The following TMEM184B variants were observed in gnomAD, a reference collection of about 807,000 sequenced individuals.
The protein encoded by TMEM184B is putative MAPK-activating protein FM08.
Under a neutral mutation model 41.8 loss-of-function variants are expected in TMEM184B, and 17 were observed. The ratio of observed to expected loss-of-function variants is 0.41; its 90% CI spans 0.28 to 0.61. The LOEUF (loss-of-function observed/expected upper bound fraction) is 0.61. Among genes scored for constraint, TMEM184B ranks in the 20% least tolerant of loss-of-function variants. The probability of loss-of-function intolerance (pLI) is 0.34; values close to 1 mark genes in which losing one functional copy is unlikely to be tolerated. For missense variants in TMEM184B, 393 were observed against 557.8 expected (o/e 0.70, Z 2.98); for synonymous variants, 240 against 229.5 (o/e 1.05, Z -0.41).
chr22:38,222,498 A>G, intron 8 of TMEM184B: 1 of 703,984 alleles, frequency 1.4e-6, no homozygotes, highest in Non-Finnish European at 1.7e-6. Flanking sequence ...GTGGCCCTTG[A>G]CAGGTGCTCT....
Position 38,225,508 on chromosome 22 carries a change from C to T in TMEM184B, c.703G>A (p.Ala235Thr), listed in dbSNP as rs1308992120. The change falls in exon 7 of 9, where the codon GCC becomes ACC. Residue 235 changes from alanine to threonine, a missense_variant. By Grantham distance (58) the Ala-to-Thr change is moderately conservative (BLOSUM62 0). This residue lies in a region of TMEM184B where 271 missense variants were observed against 434.1 expected (regional missense o/e 0.62). Coordinates refer to ENST00000361906, the MANE Select transcript of TMEM184B (RefSeq NM_012264.5). The surrounding 1 kb of genome is among the most constrained non-coding windows in gnomAD (Gnocchi z 4.4). ...TAGGGGCTGAGCAGCTCCCGGGTGG[C>T]GAAGTAGAAGAGGAAGAGGGCGTAG... is the stretch of plus-strand genomic sequence containing the variant. ...ALYALFLFYF[A>T]TRELLSPYSP... 1.9e-6 allele frequency: 3 copies of T among 1,598,222 alleles called. No homozygotes were observed. Among genetic ancestry groups the T allele is most frequent in the South Asian group, 1.1e-5 (1 of 89,362 alleles).
Position 38,226,630 on chromosome 22 carries a change from C to T in TMEM184B, c.617+149G>A. 2 of 754,604 alleles carry T rather than the reference C, an allele frequency of 2.7e-6. No individual in the cohort carries two copies. The highest frequency in any genetic ancestry group is 4.3e-6 in the Non-Finnish European group (2 of 464,984). 46.7% of individuals were successfully genotyped at this position (754,604 alleles called of 1,614,324 possible). On this transcript the variant is annotated intron_variant, in intron 6 of 8. Transcript: ENST00000361906. This position sits in a 1 kb window ranked among gnomAD's most constrained non-coding sequence, Gnocchi z 4.6. ...GGGCCAACTGCAAGGGTGTCCACTG[C>T]TGGGCTCAGACTTCAGGGGGGTTGT...
At chr22:38,242,246 T>C (rs913566152) in intron 3 of TMEM184B, among the ~76,000 whole-genome samples, 9 of 151,626 alleles carry the variant, frequency 5.9e-5, no homozygotes, top group African/African-American at 9.7e-5. Context: ...GGCGGGCGGA[T>C]TGCCTGAGCT....
chr22:38,220,898 G>C lies in TMEM184B; in HGVS notation c.*571C>G, dbSNP rs1052848514. Reference sequence around the variant, plus strand: ...CCTGTGACTCCTGGTGTCTGGCTCTGATCCTTGCAGCATGCCACAGAGGCC... The same window carrying C: ...CCTGTGACTCCTGGTGTCTGGCTCTCATCCTTGCAGCATGCCACAGAGGCC... On this transcript the variant is annotated 3_prime_UTR_variant, in exon 9 of 9. Coordinates refer to ENST00000361906, the MANE Select transcript of TMEM184B (RefSeq NM_012264.5). 3.0e-6 allele frequency: 3 copies of C among 986,486 alleles called. No homozygotes were observed. Among genetic ancestry groups the C allele is most frequent in the Non-Finnish European group, 3.6e-6 (3 of 830,474 alleles). 61.1% of individuals were successfully genotyped at this position (986,486 alleles called of 1,614,324 possible).
rs965002931 is a variant in TMEM184B at position 38,225,966 on chromosome 22, G to A, written c.618-373C>T. On this transcript the variant is annotated intron_variant, in intron 6 of 8. Coordinates refer to ENST00000361906, the MANE Select transcript of TMEM184B (RefSeq NM_012264.5). This position sits in a 1 kb window ranked among gnomAD's most constrained non-coding sequence, Gnocchi z 4.4. ...AGCTCTGCTGCCTTTTCACTCGGTC[G>A]GCTGCATCCCCCTGACCTCCTTTTG... 4.6e-5 allele frequency among the ~76,000 whole-genome samples: 7 copies of A among 152,024 alleles called. No individual in the cohort carries two copies. Among genetic ancestry groups the A allele is most frequent in the East Asian group, 1.9e-4 (1 of 5,194 alleles).
chr22:38,251,199 G>A (rs891471120), intron 1 of TMEM184B, among the ~76,000 whole-genome samples: 5 of 152,218 alleles, frequency 3.3e-5, no homozygotes, highest in African/African-American at 9.6e-5. Context: ...TGCTGGCCAC[G>A]TTTCTGCACC....
chr22:38,250,822 A>G (rs78901721), intron 1 of TMEM184B, among the ~76,000 whole-genome samples: 10,261 of 152,204 alleles, frequency 0.067, 959 homozygotes, highest in African/African-American at 0.21. Flanking sequence ...GGTGAAGGCT[A>G]CAGGCCAGCT....
At chr22:38,232,743 T>C (rs1475098774) in intron 3 of TMEM184B, among the ~76,000 whole-genome samples, 1 of 152,122 alleles carries the variant, frequency 6.6e-6, no homozygotes, top group African/African-American at 2.4e-5. Flanking sequence ...ATGGGTGACC[T>C]GGTCCCTGCC....
chr22:38,261,371 C>CA (rs1357442488), intron 1 of TMEM184B, among the ~76,000 whole-genome samples: 4 of 152,172 alleles, frequency 2.6e-5, no homozygotes, highest in African/African-American at 9.7e-5. Flanking sequence ...TCAATCAACA[C>CA]AAACAAGCGG....
chr22:38,229,200 C>A (rs527297393), intron 5 of TMEM184B, among the ~76,000 whole-genome samples: 63 of 152,340 alleles, frequency 4.1e-4, no homozygotes, highest in African/African-American at 1.5e-3. Flanking sequence ...CATGTACTTT[C>A]GTGACTACTC....
In TMEM184B at chr22:38,220,176, C is replaced by T. The variant is rs926436374; in HGVS notation, c.*1293G>A. 5.1e-6 allele frequency: 5 copies of T among 985,410 alleles called. No homozygotes were observed. The highest frequency in any genetic ancestry group is 1.7e-5 in the African/African-American group (1 of 57,200). The allele number at this position is 985,410 out of a possible 1,614,324, so 61.0% of individuals were successfully genotyped here. ...AAGTCAGGAGCTAGTATAAGCCCAG[C>T]CTGCTGGGGGTTCCGGAGGCCCCAG... On this transcript the variant is annotated 3_prime_UTR_variant, in exon 9 of 9. Coordinates refer to ENST00000361906, the MANE Select transcript of TMEM184B (RefSeq NM_012264.5).
intron 3 of TMEM184B, chr22:38,232,309 T>A (rs1569023550): frequency 6.6e-6 from 1 of 152,124 alleles, no homozygotes; most frequent in African/African-American, 2.4e-5. Context: ...CCGGGAGTGA[T>A]GGCACAGCAA....
In TMEM184B at chr22:38,247,826, C is replaced by A; in HGVS notation, c.136G>T (p.Ala46Ser). Reference sequence around the variant, plus strand: ...ACGAAGAAGCCAGAGATGGCCTGAGCGGCAGTTGTCATCAGGAACACAGGC... The same window carrying A: ...ACGAAGAAGCCAGAGATGGCCTGAGAGGCAGTTGTCATCAGGAACACAGGC... Reference protein sequence around the residue: ...EQPVFLMTTAAQAISGFFVWT... With the variant: ...EQPVFLMTTASQAISGFFVWT... The change falls in exon 2 of 9, where the codon GCT becomes TCT. Residue 46 changes from alanine (A) to serine (S), a missense_variant. Physicochemically the swap from Ala to Ser is moderately conservative, Grantham distance 99 (BLOSUM62 1). Around this residue, in one of 2 missense-constraint regions of TMEM184B, gnomAD observed 122 missense variants for 123.7 expected, o/e 0.99. Transcript: ENST00000361906. 9 of 1,613,932 alleles carry A rather than the reference C, an allele frequency of 5.6e-6. No homozygotes were observed. The highest frequency in any genetic ancestry group is 1.3e-5 in the African/African-American group (1 of 75,048).
At position 38,239,037 on chromosome 22, in the gene TMEM184B, T is replaced by C. The variant is rs560727074; in HGVS notation, c.358+6898A>G. ...AAAGCGACATACGGACACCGCCTCCTGCCTCTGAACCCCAAGGCCCTGTGC... is the reference window on the plus strand; with the variant it reads ...AAAGCGACATACGGACACCGCCTCCCGCCTCTGAACCCCAAGGCCCTGTGC... On this transcript the variant is annotated intron_variant, in intron 3 of 8. Coordinates refer to ENST00000361906, the MANE Select transcript of TMEM184B (RefSeq NM_012264.5). This position sits in a 1 kb window ranked among gnomAD's most constrained non-coding sequence, Gnocchi z 4.6. 2.0e-5 allele frequency among the ~76,000 whole-genome samples: 3 copies of C among 152,362 alleles called. No homozygotes were observed. The South Asian group carries it at 6.2e-4, about 32-fold the overall frequency.
At chr22:38,217,299 A>G (rs958977703), downstream of TMEM184B, among the ~76,000 whole-genome samples, 6 of 144,368 alleles carry the variant, frequency 4.2e-5, no homozygotes, top group African/African-American at 1.6e-4. Context: ...CCTGGCTAAC[A>G]CGGTGAAACC....
At chr22:38,230,834 T>C in intron 4 of TMEM184B, 90 bp from the exon 5 acceptor site, 1 of 1,244,598 alleles carries the variant, frequency 8.0e-7, no homozygotes, top group South Asian at 1.3e-5. Flanking sequence ...CTCCCACCCA[T>C]CCAGACGAGC....
At chr22:38,266,503 T>G (rs895584578) in intron 1 of TMEM184B, among the ~76,000 whole-genome samples, 3 of 152,220 alleles carry the variant, frequency 2.0e-5, no homozygotes, top group Admixed American at 6.5e-5. Flanking sequence ...GCTGCAACGG[T>G]GCCGTCCAGC....
chr22:38,232,824 T>G (rs1021326573), intron 3 of TMEM184B, among the ~76,000 whole-genome samples: 1 of 152,192 alleles, frequency 6.6e-6, no homozygotes, highest in South Asian at 2.1e-4. Flanking sequence ...TATCCTTCGG[T>G]GCTTCTGCAC....
chr22:38,252,590 AG>A (rs1355052881), intron 1 of TMEM184B, among the ~76,000 whole-genome samples: 1 of 151,382 alleles, frequency 6.6e-6, no homozygotes, highest in Non-Finnish European at 1.5e-5. Context: ...TGCACTGCTG[AG>A]GTGAGTGTCC....
Sources: gnomAD v4.1 joint callset for allele counts (sites outside exome capture counted in the v4.1 genomes callset) on GRCh38, gnomAD v4.1.1 for gene constraint, gnomAD v4.1.1 regional missense constraint, Gnocchi (gnomAD v3.1) non-coding constraint, MANE v1.5 for transcripts, NCBI Gene and HGNC (gene_info 2026-07-23, HGNC 2026-07-21) for gene names.